Variants in ERC1 observed in about 807,000 individuals in gnomAD.
ERC1 encodes ELKS/RAB6-interacting/CAST family member 1.
In ERC1, 56 loss-of-function variants were observed where a neutral mutation model predicts 132.0. The observed-to-expected ratio is 0.42, with a 90% confidence interval of 0.34 to 0.53. ERC1 has a LOEUF of 0.53. ERC1 is among the 20% of genes least tolerant of loss of function. ERC1 has a pLI of 0.03. For synonymous variants in ERC1, 478 were observed against 476.1 expected (o/e 1.00, Z -0.05); for missense variants, 1,202 against 1,349.9 (o/e 0.89, Z 1.72).
chr12:1,052,973 A>G (rs1972295063), intron 2 of ERC1, among the ~76,000 whole-genome samples: 1 of 143,470 alleles, frequency 7.0e-6, no homozygotes. Flanking sequence ...TATGTCTCGA[A>G]AAAAAAAAAA....
At chr12:1,338,622 AG>A (rs1190556207) in intron 15 of ERC1, among the ~76,000 whole-genome samples, 10 of 152,094 alleles carry the variant, frequency 6.6e-5, no homozygotes, top group Non-Finnish European at 1.5e-4. Context: ...TGGCTTTTTG[AG>A]TTGTCAAGAG....
intron 2 of ERC1, among the ~76,000 whole-genome samples, chr12:1,052,621 T>A (rs1480090709): frequency 6.6e-6 from 1 of 152,144 alleles, no homozygotes; most frequent in Non-Finnish European, 1.5e-5. Flanking sequence ...AACAGTACAG[T>A]CTAGATTGTA....
At chr12:1,037,896 T>C (rs1377146246) in intron 2 of ERC1, among the ~76,000 whole-genome samples, 2 of 151,694 alleles carry the variant, frequency 1.3e-5, no homozygotes, top group African/African-American at 4.8e-5. Context: ...TGCAAAAAAT[T>C]AGCTGGGCTT....
chr12:1,485,217 T>TTTC (rs2094189016), intron 18 of ERC1, among the ~76,000 whole-genome samples: 1 of 144,274 alleles, frequency 6.9e-6, no homozygotes, highest in African/African-American at 2.6e-5. Flanking sequence ...TTTTTTTTTT[T>TTTC]TTTTTGAGAC....
chr12:1,112,112 A>G lies in ERC1; in HGVS notation c.1318-103A>G, dbSNP rs528310329. Reference sequence around the variant, plus strand: ...TGAGGGGAACAGATTTGATTGTATTATATAAGTTATTGTTATTTCTAGTTA... The same window carrying G: ...TGAGGGGAACAGATTTGATTGTATTGTATAAGTTATTGTTATTTCTAGTTA... On this transcript the variant is annotated intron_variant, in intron 5 of 18. Transcript: ENST00000360905. 3.6e-4 allele frequency: 268 copies of G among 738,694 alleles called. No homozygotes were observed. The African/African-American group carries it at 4.1e-3, about 11-fold the overall frequency. The allele number at this position is 738,694 out of a possible 1,614,324, so 45.8% of individuals were successfully genotyped here. A position where few individuals can be genotyped will look rare whatever the true frequency, so the allele number is the denominator to read the frequency against.
chr12:1,219,466 G>C (rs974880044), intron 12 of ERC1, among the ~76,000 whole-genome samples: 1 of 151,954 alleles, frequency 6.6e-6, no homozygotes, highest in Non-Finnish European at 1.5e-5. Flanking sequence ...AAATCTATTA[G>C]TAAGCCCGAT....
chr12:1,440,980 G>A (rs1365478343), intron 17 of ERC1, among the ~76,000 whole-genome samples: 1 of 151,614 alleles, frequency 6.6e-6, no homozygotes, highest in Non-Finnish European at 1.5e-5. Context: ...ATTGGACTCT[G>A]AAATTTTTCA....
At chr12:1,019,344 T>G (rs1445951716) in intron 1 of ERC1, among the ~76,000 whole-genome samples, 1 of 152,166 alleles carries the variant, frequency 6.6e-6, no homozygotes, top group East Asian at 1.9e-4. Flanking sequence ...AGGCCAGTCT[T>G]GAACTCCTTA....
Position 1,432,536 on chromosome 12 carries a change from T to G in ERC1, c.3025-12026T>G, listed in dbSNP as rs901499719. 1.9e-4 allele frequency among the ~76,000 whole-genome samples: 29 copies of G among 152,268 alleles called. 1 individual carries two copies. Among genetic ancestry groups the G allele is most frequent in the Admixed American group, 1.9e-3 (29 of 15,288 alleles). Reference sequence around the variant, plus strand: ...ACTTGTCTTTACATGTACCGTGATCTTCACAAGGATGGGCATAATTATTCC... The same window carrying G: ...ACTTGTCTTTACATGTACCGTGATCGTCACAAGGATGGGCATAATTATTCC... On this transcript the variant is annotated intron_variant, in intron 17 of 18. Coordinates refer to ENST00000360905, the MANE Select transcript of ERC1 (RefSeq NM_178040.4).
intron 15 of ERC1, among the ~76,000 whole-genome samples, chr12:1,331,950 A>C (rs569094221): frequency 6.6e-6 from 1 of 152,292 alleles, no homozygotes; most frequent in African/African-American, 2.4e-5. Context: ...ATTTCTTTGA[A>C]TCTGAAGACT....
chr12:1,016,798 G>A (rs1220387195), intron 1 of ERC1, among the ~76,000 whole-genome samples: 1 of 151,440 alleles, frequency 6.6e-6, no homozygotes, highest in Non-Finnish European at 1.5e-5. Flanking sequence ...TTACAGGCGT[G>A]TACCACCATG....
chr12:1,202,819 C>T (rs948393839), intron 12 of ERC1, among the ~76,000 whole-genome samples: 1 of 152,152 alleles, frequency 6.6e-6, no homozygotes, highest in Non-Finnish European at 1.5e-5. Flanking sequence ...AACTTGCATA[C>T]AAAGAAGACT....
chr12:1,137,136 G>A (rs1026853796), intron 7 of ERC1, among the ~76,000 whole-genome samples: 3 of 118,878 alleles, frequency 2.5e-5, no homozygotes, highest in Admixed American at 2.3e-4. Flanking sequence ...GTCTCACTCT[G>A]TTGGCAGGCT....
chr12:1,166,955 A>G (rs887392036), intron 8 of ERC1, among the ~76,000 whole-genome samples: 4 of 152,206 alleles, frequency 2.6e-5, no homozygotes, highest in African/African-American at 9.6e-5. Flanking sequence ...CTCATTAAAC[A>G]TTATTTCTTT....
intron 16 of ERC1, among the ~76,000 whole-genome samples, chr12:1,407,536 A>T (rs925080757): frequency 6.6e-6 from 1 of 151,968 alleles, no homozygotes; most frequent in Non-Finnish European, 1.5e-5. Flanking sequence ...TTTATTTTTT[A>T]TTTTTTTAAA....
intron 14 of ERC1, among the ~76,000 whole-genome samples, chr12:1,284,162 GT>G (rs1285286490): frequency 1.3e-5 from 2 of 152,170 alleles, no homozygotes; most frequent in Admixed American, 1.3e-4. Flanking sequence ...AGCAACATCT[GT>G]CTTTCCGTGC....
intron 13 of ERC1, among the ~76,000 whole-genome samples, chr12:1,245,141 A>ATG (rs550255784): frequency 1.2e-4 from 19 of 152,222 alleles, no homozygotes; most frequent in Non-Finnish European, 2.1e-4. Flanking sequence ...GCACATGTAG[A>ATG]TGTGCCGTGT....
chr12:1,203,920 T>G (rs1957134587), intron 12 of ERC1: 1 of 152,396 alleles, frequency 6.6e-6, no homozygotes, highest in Admixed American at 6.5e-5. Context: ...TGTGGTAGAT[T>G]TGGAGTGAGA....
rs533817498 is a variant in ERC1, at chr12:1,440,201, T to C, written c.3025-4361T>C. ...TTTTTTAAGTTTTCTTTCTTTCTCT[T>C]TTTTTTTTTTTTTTTTTCCTTGAGA... On this transcript the variant is annotated intron_variant, in intron 17 of 18. Transcript: ENST00000360905. Among the ~76,000 whole-genome samples, 74 of 132,256 alleles carry C rather than the reference T, an allele frequency of 5.6e-4. No homozygotes were observed. The East Asian group carries it at 0.011, about 20-fold the overall frequency. The allele number at this position is 132,256 out of a possible 152,430, so 86.8% of individuals were successfully genotyped here.
Sources: allele counts gnomAD v4.1 joint callset (sites outside exome capture counted in the v4.1 genomes callset), GRCh38; gene constraint gnomAD v4.1.1; transcripts MANE v1.5; gene names NCBI Gene and HGNC (gene_info 2026-07-23, HGNC 2026-07-21).